EXOC2: variants seen among roughly 807,000 people sequenced by gnomAD.
The protein encoded by EXOC2 is exocyst complex component 2, also known as SEC5-like 1.
Under a neutral mutation model 131.8 loss-of-function variants are expected in EXOC2, and 70 were observed. That is an observed-to-expected ratio of 0.53 (90% confidence interval 0.44 to 0.65). The LOEUF (loss-of-function observed/expected upper bound fraction) is 0.65. Among genes scored for constraint, EXOC2 ranks in the 30% least tolerant of loss-of-function variants. The pLI is 0.00. For synonymous variants in EXOC2, 411 were observed against 398.4 expected (o/e 1.03, Z -0.38); for missense variants, 923 against 1,108.6 (o/e 0.83, Z 2.38).
intron 1 of EXOC2, chr6:656,404 C>G (rs755164082): frequency 1.1e-5 from 18 of 1,614,078 alleles, no homozygotes; most frequent in Non-Finnish European, 1.5e-5. Context: ...TTTGCTTCCA[C>G]CAGCACGTGA....
intron 23 of EXOC2, among the ~76,000 whole-genome samples, chr6:521,700 TG>T (rs1358463065): frequency 6.6e-6 from 1 of 151,968 alleles, no homozygotes; most frequent in Non-Finnish European, 1.5e-5. Context: ...CTAATTTTTG[TG>T]TTTTTTTGTA....
At chr6:529,119 C>A (rs6938136) in intron 23 of EXOC2, among the ~76,000 whole-genome samples, 27,002 of 148,182 alleles carry the variant, frequency 0.18, 3,307 homozygotes, top group East Asian at 0.49. Flanking sequence ...GCCTTTTACC[C>A]CCCCCCGCGC....
At position 506,428 on chromosome 6, in the gene EXOC2, A is replaced by G. The variant is rs544549866; in HGVS notation, c.2381-6728T>C. On this transcript the variant is annotated intron_variant, in intron 23 of 27. Coordinates refer to ENST00000230449, the MANE Select transcript of EXOC2 (RefSeq NM_018303.6). This position sits in a 1 kb window ranked among gnomAD's most constrained non-coding sequence, Gnocchi z 4.4. The stretch of plus-strand genomic sequence containing the variant: ...GTGTGGACAGTGTGCCAAGAAAAAT[A>G]CAAGGCAAACGGATTTGCTCCTTGG... Among the ~76,000 whole-genome samples the G allele has an allele frequency of 6.6e-6, 1 of 152,366 alleles. No homozygotes were observed. The highest frequency in any genetic ancestry group is 6.5e-5 in the Admixed American group (1 of 15,310).
intron 22 of EXOC2, among the ~76,000 whole-genome samples, chr6:546,577 C>T (rs1756872440): frequency 6.6e-6 from 1 of 152,196 alleles, no homozygotes; most frequent in Non-Finnish European, 1.5e-5. Context: ...CCACCCCTGA[C>T]ACAGCAAGAC....
At chr6:637,240 G>C (rs973626402) in intron 2 of EXOC2, among the ~76,000 whole-genome samples, 5 of 152,216 alleles carry the variant, frequency 3.3e-5, no homozygotes, top group African/African-American at 1.2e-4. Context: ...ATGCCCGCCA[G>C]GTGGAGTGAA....
At chr6:641,541 C>T (rs921508883) in intron 1 of EXOC2, among the ~76,000 whole-genome samples, 6 of 152,030 alleles carry the variant, frequency 3.9e-5, no homozygotes, top group African/African-American at 1.2e-4. Flanking sequence ...CAGTCCAACA[C>T]GACTTAATCA....
chr6:591,238 G>C (rs1283091941), intron 11 of EXOC2, among the ~76,000 whole-genome samples: 1 of 152,110 alleles, frequency 6.6e-6, no homozygotes, highest in Non-Finnish European at 1.5e-5. Flanking sequence ...CTTTTCAAAA[G>C]TAAGTCTGAG....
intron 24 of EXOC2, 87 bp downstream of exon 24, chr6:499,558 C>A (rs1763926919): frequency 1.7e-6 from 2 of 1,172,174 alleles, no homozygotes; most frequent in Non-Finnish European, 2.5e-6. Flanking sequence ...AAAAAAAAGA[C>A]CACCATAGAA....
intron 6 of EXOC2, among the ~76,000 whole-genome samples, chr6:611,148 G>A (rs1322131123): frequency 2.6e-5 from 4 of 152,228 alleles, no homozygotes; most frequent in African/African-American, 9.6e-5. Flanking sequence ...AAGCTGAAAC[G>A]GAAAGGAACT....
In EXOC2 at chr6:597,972, G is replaced by GT. The variant is rs1407182740; in HGVS notation, c.1073+48dup. On this transcript the variant is annotated intron_variant, in intron 10 of 27. Transcript: ENST00000230449. ...CCTTAAGGGTTACAAGATGCATACA[G>GT]TACCAAACAGATACATGTGATTCAA... is the stretch of plus-strand genomic sequence containing the variant. The GT allele has an allele frequency of 2.9e-6, 4 of 1,392,408 alleles. No homozygotes were observed. The South Asian group carries it at 4.8e-5, about 17-fold the overall frequency. The allele number at this position is 1,392,408 out of a possible 1,614,324, so 86.3% of individuals were successfully genotyped here.
intron 23 of EXOC2, among the ~76,000 whole-genome samples, chr6:526,732 G>A (rs907974509): frequency 2.0e-5 from 3 of 152,056 alleles, no homozygotes; most frequent in African/African-American, 4.8e-5. Context: ...GAGCCACCGC[G>A]CCCGGCTCTT....
Position 497,532 on chromosome 6 carries a change from G to T in EXOC2, c.2437-43C>A. 3 of 1,566,732 alleles carry T rather than the reference G, an allele frequency of 1.9e-6. No homozygotes were observed. The South Asian group carries it at 3.7e-5, about 19-fold the overall frequency. On this transcript the variant is annotated intron_variant, in intron 24 of 27. Coordinates refer to ENST00000230449, the MANE Select transcript of EXOC2 (RefSeq NM_018303.6). ...GACATGGTGCTTTGTGGGGCTTTTT[G>T]ACTTGAATTTGTTAAAGACAAAGTT... is the stretch of plus-strand genomic sequence containing the variant.
Position 507,897 on chromosome 6 carries a change from C to G in EXOC2, c.2381-8197G>C, listed in dbSNP as rs190648067. Among the ~76,000 whole-genome samples the G allele has an allele frequency of 3.3e-5, 5 of 152,326 alleles. No individual in the cohort carries two copies. In the East Asian group the frequency reaches 9.6e-4, roughly 29 times the overall value. ...GAACACTTTGGATTCACCAAGTCTT[C>G]GTCCTTAATTTTTTATTCAGAAAAC... is the stretch of plus-strand genomic sequence containing the variant. On this transcript the variant is annotated intron_variant, in intron 23 of 27. Coordinates refer to ENST00000230449, the MANE Select transcript of EXOC2 (RefSeq NM_018303.6).
At chr6:572,395 T>TA in intron 13 of EXOC2, 125 bp downstream of exon 13, 1 of 1,252,902 alleles carries the variant, frequency 8.0e-7, no homozygotes, top group African/African-American at 1.5e-5. Context: ...TAACTGATTT[T>TA]AAACTATGAC....
intron 1 of EXOC2, among the ~76,000 whole-genome samples, chr6:690,795 T>C (rs1328568393): frequency 6.6e-6 from 1 of 152,224 alleles, no homozygotes; most frequent in Non-Finnish European, 1.5e-5. Flanking sequence ...ATAAACATAC[T>C]CTAAAGCATA....
Position 555,951 on chromosome 6 carries a change from T to C in EXOC2, c.1992+3A>G, listed in dbSNP as rs1288764645. 3 of 1,613,852 alleles carry C rather than the reference T, an allele frequency of 1.9e-6. No homozygotes were observed. In the South Asian group the frequency reaches 3.3e-5, roughly 18 times the overall value. ...TTTCAGCATTACTGCTTTCTATTAT[T>C]ACCTGCATTATATTGATGCTTAGCT... On this transcript the variant is annotated splice_donor_region_variant and intron_variant, in intron 19 of 27. Coordinates refer to ENST00000230449, the MANE Select transcript of EXOC2 (RefSeq NM_018303.6).
intron 7 of EXOC2, 34 bp downstream of exon 7, chr6:610,064 C>T: frequency 6.3e-7 from 1 of 1,583,910 alleles, no homozygotes; most frequent in African/African-American, 1.4e-5. Context: ...TTGTAAAATC[C>T]ATAAATAGTT....
intron 22 of EXOC2, among the ~76,000 whole-genome samples, chr6:532,925 T>C (rs1766181027): frequency 6.6e-6 from 1 of 152,040 alleles, no homozygotes; most frequent in Non-Finnish European, 1.5e-5. Flanking sequence ...TATGCATGGC[T>C]GGGGAGCCCT....
At chr6:562,469 G>A (rs889216446) in intron 17 of EXOC2, among the ~76,000 whole-genome samples, 1 of 152,174 alleles carries the variant, frequency 6.6e-6, no homozygotes, top group Non-Finnish European at 1.5e-5. Flanking sequence ...CTTCTATCCT[G>A]CTTTCCGGAA....
Sources: allele counts gnomAD v4.1 joint callset (sites outside exome capture counted in the v4.1 genomes callset), GRCh38; gene constraint gnomAD v4.1.1; non-coding constraint Gnocchi (gnomAD v3.1); transcripts MANE v1.5; gene names NCBI Gene and HGNC (gene_info 2026-07-23, HGNC 2026-07-21).